SYTL3: variants seen among roughly 807,000 people sequenced by gnomAD.
The protein encoded by SYTL3 is synaptotagmin-like protein 3.
A neutral mutation model predicts 82.1 loss-of-function variants in SYTL3; 88 were observed. That is an observed-to-expected ratio of 1.07 (90% CI 0.90 to 1.28). The LOEUF is 1.28. Among genes scored for constraint, SYTL3 ranks in the 50% most tolerant of loss-of-function variants. The pLI is 0.00. For missense variants in SYTL3, 831 were observed against 757.6 expected (o/e 1.10, Z -1.14); for synonymous variants, 311 against 289.4 (o/e 1.07, Z -0.76).
rs975576436 is a variant in SYTL3 at position 158,695,342 on chromosome 6, G to A, written c.395-11888G>A. Among the ~76,000 whole-genome samples, 14 of 152,112 alleles carry A rather than the reference G, an allele frequency of 9.2e-5. No homozygotes were observed. In the East Asian group the frequency reaches 2.3e-3, roughly 25 times the overall value. On this transcript the variant is annotated intron_variant, in intron 6 of 17. Transcript: ENST00000611299. ...CAAGGTGAAGTAATTGAACTGAAGG[G>A]ATTTCTGAATGAAGGATTCATGTGT...
intron 5 of SYTL3, among the ~76,000 whole-genome samples, chr6:158,671,734 T>C (rs1314166413): frequency 2.4e-5 from 2 of 81,976 alleles, no homozygotes; most frequent in African/African-American, 6.9e-5. Flanking sequence ...AGACTCAGTC[T>C]AAAAAAAAAA....
chr6:158,670,154 C>A (rs1382394640), intron 5 of SYTL3, among the ~76,000 whole-genome samples: 1 of 152,160 alleles, frequency 6.6e-6, no homozygotes, highest in African/African-American at 2.4e-5. Context: ...AAAATGTAAT[C>A]TTTTAAATTT....
chr6:158,693,670 A>G (rs1381219767), intron 6 of SYTL3, among the ~76,000 whole-genome samples: 2 of 139,754 alleles, frequency 1.4e-5, no homozygotes, highest in South Asian at 2.1e-4. Flanking sequence ...CAGGTGTGCC[A>G]CTGAATCCAG....
At chr6:158,669,536 TAC>T (rs1233539418) in intron 5 of SYTL3, among the ~76,000 whole-genome samples, 12 of 152,348 alleles carry the variant, frequency 7.9e-5, no homozygotes, top group African/African-American at 2.9e-4. Context: ...GGAGCTTATA[TAC>T]CATCATTAGA....
In SYTL3 at chr6:158,752,374, A is replaced by G. The variant is rs1166677402; in HGVS notation, c.1137+344A>G. ...GTTTGTCTTAGTGAATGTTTCTGTC[A>G]AAGAGGTGCTCTCAGACAGAGTGCC... On this transcript the variant is annotated intron_variant, in intron 13 of 17. Coordinates refer to ENST00000611299, the MANE Select transcript of SYTL3 (RefSeq NM_001242394.2). Among the ~76,000 whole-genome samples, 5 of 152,326 alleles carry G rather than the reference A, an allele frequency of 3.3e-5. No individual in the cohort carries two copies. The East Asian group carries it at 9.6e-4, about 29-fold the overall frequency.
chr6:158,692,218 A>G (rs1232799988), intron 6 of SYTL3, among the ~76,000 whole-genome samples: 1 of 122,322 alleles, frequency 8.2e-6, no homozygotes, highest in African/African-American at 3.1e-5. Context: ...AGATTGTGCC[A>G]CTGCACTCCA....
In SYTL3 at chr6:158,686,134, AG is replaced by A. The variant is rs1386915186; in HGVS notation, c.394+3146del. ...TTCAGCACTTCATGTCTCCTGAGTG[AG>A]TGGGAGAAGTATGTTATCAAGGTGA... On this transcript the variant is annotated intron_variant, in intron 6 of 17. Transcript: ENST00000611299. 8.6e-5 allele frequency among the ~76,000 whole-genome samples: 13 copies of A among 151,636 alleles called. No homozygotes were observed. The East Asian group carries it at 2.5e-3, about 30-fold the overall frequency.
chr6:158,659,295 T>C (rs1789075636), intron 2 of SYTL3, among the ~76,000 whole-genome samples: 1 of 152,240 alleles, frequency 6.6e-6, no homozygotes, highest in African/African-American at 2.4e-5. Context: ...AGTACAGTTT[T>C]GCACATCTTC....
chr6:158,662,209 CA>C (rs1372654949), intron 3 of SYTL3, among the ~76,000 whole-genome samples: 1 of 152,032 alleles, frequency 6.6e-6, no homozygotes, highest in Non-Finnish European at 1.5e-5. Context: ...GATTTAATAA[CA>C]AAAATGGTAC....
chr6:158,683,913 T>C (rs1157767305), intron 6 of SYTL3, among the ~76,000 whole-genome samples: 1 of 152,180 alleles, frequency 6.6e-6, no homozygotes, highest in African/African-American at 2.4e-5. Flanking sequence ...TATAATGAGA[T>C]GTTGACCTAA....
chr6:158,677,319 C>A (rs1020597363), intron 5 of SYTL3, among the ~76,000 whole-genome samples: 2 of 152,122 alleles, frequency 1.3e-5, no homozygotes, highest in South Asian at 2.1e-4. Flanking sequence ...AAAAACCAAA[C>A]ACCGCATGTT....
In SYTL3 at chr6:158,663,206, G is replaced by A; in HGVS notation, c.-63G>A. On this transcript the variant is annotated 5_prime_UTR_variant, in exon 4 of 18. Transcript: ENST00000611299. ...CTGGCCTCCGCCGCTCATCTGCAGG[G>A]CGTGAGCGCTTGGTCCATGCAGTGA... The A allele has an allele frequency of 2.7e-6, 4 of 1,474,574 alleles. No homozygotes were observed. The South Asian group carries it at 4.6e-5, about 17-fold the overall frequency. 91.3% of individuals were successfully genotyped at this position (1,474,574 alleles called of 1,614,324 possible).
intron 2 of SYTL3, among the ~76,000 whole-genome samples, chr6:158,657,492 GAAAAACTTTATGA>G (rs1430008449): frequency 1.3e-5 from 2 of 150,664 alleles, no homozygotes; most frequent in Non-Finnish European, 3.0e-5. Context: ...TAATGGCTAG[GAAAAACTTTATGA>G]AAAAACAAAA....
intron 11 of SYTL3, among the ~76,000 whole-genome samples, chr6:158,743,147 G>A (rs192729319): frequency 1.2e-4 from 18 of 152,276 alleles, no homozygotes; most frequent in East Asian, 1.9e-4. Context: ...GCCCTTGGAC[G>A]TGCAGCGGTA....
intron 6 of SYTL3, among the ~76,000 whole-genome samples, chr6:158,690,792 G>A (rs911066803): frequency 6.6e-6 from 1 of 152,014 alleles, no homozygotes; most frequent in African/African-American, 2.4e-5. Context: ...TGATGCCACC[G>A]TGGTGGTTCA....
At chr6:158,647,682 C>T (rs13198609), upstream of SYTL3, among the ~76,000 whole-genome samples, 19,633 of 152,278 alleles carry the variant, frequency 0.13, 1,490 homozygotes, top group Non-Finnish European at 0.17. Flanking sequence ...CCATCTGCCA[C>T]GAATGGATGT....
chr6:158,674,634 A>G (rs1455431360), intron 5 of SYTL3, among the ~76,000 whole-genome samples: 4 of 152,112 alleles, frequency 2.6e-5, no homozygotes, highest in African/African-American at 9.7e-5. Context: ...CAGGGAGAGG[A>G]CAGGTCGGGG....
At chr6:158,669,126 T>C (rs1418149143) in intron 5 of SYTL3, among the ~76,000 whole-genome samples, 3 of 152,208 alleles carry the variant, frequency 2.0e-5, no homozygotes, top group Non-Finnish European at 4.4e-5. Context: ...AACAATTATG[T>C]TGAAATATCA....
Position 158,665,518 on chromosome 6 carries a change from C to T in SYTL3, c.234C>T (p.Ala78=), listed in dbSNP as rs753332449. ...TGGGGTTCCTGCTGCACCGGGGCGC[C>T]GTGTGCCGGGGCTGCAGCCACCGCG... ...QVLGFLLHRG[A]VCRGCSHRVC... is the part of the protein sequence containing the mutation. Residue 78 remains alanine, a synonymous_variant, in exon 5 of 18, where the codon GCC becomes GCT. Transcript: ENST00000611299. The T allele has an allele frequency of 5.3e-5, 85 of 1,593,666 alleles. 1 individual carries two copies. In the South Asian group the frequency reaches 7.4e-4, roughly 14 times the overall value.
Sources: allele counts gnomAD v4.1 joint callset (sites outside exome capture counted in the v4.1 genomes callset), GRCh38; gene constraint gnomAD v4.1.1; transcripts MANE v1.5; gene names NCBI Gene and HGNC (gene_info 2026-07-23, HGNC 2026-07-21).